Variants in PDZD2 observed in about 807,000 individuals in gnomAD.
PDZD2 encodes PDZ domain containing 2, also known as PDZ domain-containing protein 2.
In PDZD2, 90 loss-of-function variants were observed where a neutral mutation model predicts 220.7. That is an observed-to-expected ratio of 0.41 (90% CI 0.34 to 0.49). The LOEUF is 0.49. Among genes scored for constraint, PDZD2 ranks in the 20% least tolerant of loss-of-function variants. The pLI is 0.28. For missense variants in PDZD2, 3,174 were observed against 3,608.5 expected (o/e 0.88, Z 3.08); for synonymous variants, 1,375 against 1,450.5 (o/e 0.95, Z 1.18).
chr5:32,061,206 G>A lies in PDZD2; in HGVS notation c.2451+72G>A, dbSNP rs1368498539. The A allele has an allele frequency of 6.6e-6, 10 of 1,504,780 alleles. 1 individual carries two copies. The Admixed American group carries it at 1.7e-4, about 26-fold the overall frequency. 93.2% of individuals were successfully genotyped at this position (1,504,780 alleles called of 1,614,324 possible). A position where few individuals can be genotyped will look rare whatever the true frequency, so the allele number is the denominator to read the frequency against. On this transcript the variant is annotated intron_variant, in intron 14 of 24. Coordinates refer to ENST00000438447, the MANE Select transcript of PDZD2 (RefSeq NM_178140.4). ...CCTAGGATATCGTATACTCTTTGGT[G>A]AGATGGTTTTCCCAGCTGGGGATAG...
At chr5:31,829,411 T>C (rs1469298422) in intron 2 of PDZD2, among the ~76,000 whole-genome samples, 1 of 151,284 alleles carries the variant, frequency 6.6e-6, no homozygotes, top group Non-Finnish European at 1.5e-5. Flanking sequence ...CACTGCAACC[T>C]CTACCTCCCA....
At position 31,730,860 on chromosome 5, in the gene PDZD2, T is replaced by G. The variant is rs1749498459; in HGVS notation, c.-360-68029T>G. ...AAAGGGTGGATATTTGGGTGATAGTTCTCTTGGCCAAGCCAGTTGCTGAAT... is the reference window on the plus strand; with the variant it reads ...AAAGGGTGGATATTTGGGTGATAGTGCTCTTGGCCAAGCCAGTTGCTGAAT... On this transcript the variant is annotated intron_variant, in intron 1 of 24. Coordinates refer to ENST00000438447, the MANE Select transcript of PDZD2 (RefSeq NM_178140.4). Among the ~76,000 whole-genome samples, 2 of 152,136 alleles carry G rather than the reference T, an allele frequency of 1.3e-5. 1 individual carries two copies. The highest frequency in any genetic ancestry group is 4.1e-4 in the South Asian group (2 of 4,826).
intron 1 of PDZD2, among the ~76,000 whole-genome samples, chr5:31,706,585 C>T (rs1747831649): frequency 6.6e-6 from 1 of 152,130 alleles, no homozygotes; most frequent in Non-Finnish European, 1.5e-5. Context: ...GTGGCTCACA[C>T]CTGTTATCCC....
intron 1 of PDZD2, among the ~76,000 whole-genome samples, chr5:31,650,344 G>T (rs1038882561): frequency 6.6e-6 from 1 of 152,180 alleles, no homozygotes; most frequent in Non-Finnish European, 1.5e-5. Flanking sequence ...GTTGGAGCAA[G>T]AATTTGAATC....
chr5:31,817,226 G>A (rs1416129432), intron 2 of PDZD2, among the ~76,000 whole-genome samples: 2 of 148,964 alleles, frequency 1.3e-5, no homozygotes, highest in Non-Finnish European at 3.0e-5. Flanking sequence ...TGGTGTGGTG[G>A]CTCACACCTG....
At chr5:31,768,231 C>T (rs757709108) in intron 1 of PDZD2, among the ~76,000 whole-genome samples, 7 of 152,156 alleles carry the variant, frequency 4.6e-5, no homozygotes, top group Non-Finnish European at 8.8e-5. Flanking sequence ...CTGGGAACTC[C>T]GTGAAAGGCA....
intron 2 of PDZD2, among the ~76,000 whole-genome samples, chr5:31,972,042 A>G (rs1384982299): frequency 6.6e-6 from 1 of 152,170 alleles, no homozygotes; most frequent in Non-Finnish European, 1.5e-5. Flanking sequence ...TATTCTTCCC[A>G]GTGGGGCTAC....
chr5:32,080,981 T>C (rs779041541), intron 19 of PDZD2, among the ~76,000 whole-genome samples: 6 of 151,796 alleles, frequency 4.0e-5, no homozygotes, highest in Admixed American at 1.3e-4. Flanking sequence ...CAGGGCTTAA[T>C]ACCTAGGTCA....
intron 5 of PDZD2, 112 bp from the exon 6 acceptor site, chr5:32,010,218 C>T: frequency 1.4e-6 from 1 of 707,978 alleles, no homozygotes; most frequent in Non-Finnish European, 2.4e-6. Context: ...AACATTTACT[C>T]CATGTAGTCT....
chr5:31,755,834 C>A (rs1196457931), intron 1 of PDZD2, among the ~76,000 whole-genome samples: 2 of 152,020 alleles, frequency 1.3e-5, no homozygotes, highest in Non-Finnish European at 2.9e-5. Flanking sequence ...CATGAGTGGG[C>A]AGGAGAGAGG....
At chr5:31,896,324 G>GTT (rs1741556396) in intron 2 of PDZD2, among the ~76,000 whole-genome samples, 1 of 11,366 alleles carries the variant, frequency 8.8e-5, no homozygotes, top group Non-Finnish European at 1.6e-4. Flanking sequence ...TGATACTCTC[G>GTT]TGTGTGTGTG....
chr5:31,906,441 C>T (rs1742660956), intron 2 of PDZD2, among the ~76,000 whole-genome samples: 1 of 151,522 alleles, frequency 6.6e-6, no homozygotes, highest in Non-Finnish European at 1.5e-5. Context: ...AACTCCTGGG[C>T]TCAAGCAATC....
chr5:32,026,535 G>T (rs1409170918), intron 6 of PDZD2, among the ~76,000 whole-genome samples: 1 of 152,116 alleles, frequency 6.6e-6, no homozygotes, highest in African/African-American at 2.4e-5. Flanking sequence ...GTATGCATGT[G>T]TATGCGTGCA....
At chr5:32,035,206 A>C (rs555632213) in intron 6 of PDZD2, among the ~76,000 whole-genome samples, 2 of 152,264 alleles carry the variant, frequency 1.3e-5, no homozygotes, top group South Asian at 4.2e-4. Flanking sequence ...TTCTTAAAAG[A>C]GATTACCTAC....
Position 31,690,292 on chromosome 5 carries a change from T to C in PDZD2, c.-361+50855T>C, listed in dbSNP as rs539077335. ...TGTTAAGTGAAAACAACTTGTGGAG[T>C]TGTTGGACAGCCTTGCCAAGTGTCT... On this transcript the variant is annotated intron_variant, in intron 1 of 24. Transcript: ENST00000438447. Among the ~76,000 whole-genome samples, 9 of 151,944 alleles carry C rather than the reference T, an allele frequency of 5.9e-5. No individual in the cohort carries two copies. The East Asian group carries it at 7.8e-4, about 13-fold the overall frequency.
At position 31,639,278 on chromosome 5, in the gene PDZD2, C is replaced by CCCGCGGCTGCCGGCGAA. The variant is rs1380633446; in HGVS notation, c.-511_-495dup. 1 of 150,440 alleles carries CCCGCGGCTGCCGGCGAA rather than the reference C, an allele frequency of 6.6e-6. No homozygotes were observed. Among genetic ancestry groups the CCCGCGGCTGCCGGCGAA allele is most frequent in the Non-Finnish European group, 1.5e-5 (1 of 67,412 alleles). 9.3% of individuals were successfully genotyped at this position (150,440 alleles called of 1,614,324 possible). A position where few individuals can be genotyped will look rare whatever the true frequency, so the allele number is the denominator to read the frequency against. On this transcript the variant is annotated 5_prime_UTR_variant, in exon 1 of 25. Transcript: ENST00000438447. This position sits in a 1 kb window ranked among gnomAD's most constrained non-coding sequence, Gnocchi z 4.1. ...AACCCAAGGCACCGGGATTGCGCCT[C>CCCGCGGCTGCCGGCGAA]CCGCGGCTGCCGGCGAACCGCGGCT...
chr5:31,811,399 A>G (rs1208615397), intron 2 of PDZD2, among the ~76,000 whole-genome samples: 3 of 152,220 alleles, frequency 2.0e-5, no homozygotes, highest in Non-Finnish European at 2.9e-5. Flanking sequence ...GTGATGGTGT[A>G]ATAGCTGACT....
intron 5 of PDZD2, among the ~76,000 whole-genome samples, chr5:32,002,360 C>A (rs1581247718): frequency 6.6e-6 from 1 of 152,156 alleles, no homozygotes. Context: ...CTCTTGAGTC[C>A]ATCGCGCTCC....
intron 1 of PDZD2, among the ~76,000 whole-genome samples, chr5:31,749,276 C>T (rs1054157975): frequency 2.0e-5 from 3 of 152,170 alleles, no homozygotes; most frequent in African/African-American, 7.2e-5. Flanking sequence ...CCCACAGATA[C>T]TTGTTTGTTT....
Sources: gnomAD v4.1 joint callset for allele counts (sites outside exome capture counted in the v4.1 genomes callset) on GRCh38, gnomAD v4.1.1 for gene constraint, Gnocchi (gnomAD v3.1) non-coding constraint, MANE v1.5 for transcripts, NCBI Gene and HGNC (gene_info 2026-07-23, HGNC 2026-07-21) for gene names.